The following SLC13A3 variants were observed in gnomAD, a reference collection of about 807,000 sequenced individuals.
SLC13A3 encodes Na(+)/dicarboxylate cotransporter 3.
A neutral mutation model predicts 59.0 loss-of-function variants in SLC13A3; 40 were observed. The ratio of observed to expected loss-of-function variants is 0.68; its 90% CI spans 0.53 to 0.88. SLC13A3 has a LOEUF of 0.88. Ranked by LOEUF, SLC13A3 falls within the 40% of genes least tolerant of loss-of-function variation. The pLI, the probability that SLC13A3 is intolerant of heterozygous loss-of-function variation, is 0.00. For synonymous variants in SLC13A3, 317 were observed against 330.3 expected, an observed-to-expected ratio of 0.96 and a Z score of 0.44; for missense variants, 699 against 783.2, an observed-to-expected ratio of 0.89 and a Z score of 1.28.
intron 9 of SLC13A3, among the ~76,000 whole-genome samples, chr20:46,582,286 AT>A (rs111617115): frequency 4.2e-4 from 63 of 151,382 alleles, no homozygotes; most frequent in African/African-American, 1.3e-3. Flanking sequence ...ACGCCCAGCT[AT>A]TTTTTTTATT....
At chr20:46,588,604 AAGG>A (rs2062219044) in intron 7 of SLC13A3, among the ~76,000 whole-genome samples, 1 of 152,122 alleles carries the variant, frequency 6.6e-6, no homozygotes, top group Non-Finnish European at 1.5e-5. Context: ...TCTACACCGA[AAGG>A]AGAAGACACA....
intron 1 of SLC13A3, among the ~76,000 whole-genome samples, chr20:46,630,209 T>G (rs577155587): frequency 1.7e-3 from 266 of 152,338 alleles, no homozygotes; most frequent in Non-Finnish European, 1.7e-3. Flanking sequence ...TTTGTTTGAC[T>G]GACAGAGAGA....
chr20:46,581,306 G>A (rs1310732136), intron 9 of SLC13A3, among the ~76,000 whole-genome samples: 1 of 152,198 alleles, frequency 6.6e-6, no homozygotes, highest in Non-Finnish European at 1.5e-5. Context: ...ACCTGACCAA[G>A]GGCAGCTGAT....
At position 46,583,793 on chromosome 20, in the gene SLC13A3, G is replaced by C. The variant is rs115919470; in HGVS notation, c.1122-124C>G. The C allele has an allele frequency of 1.8e-3, 2,640 of 1,491,550 alleles. 40 individuals are homozygous for C. In the African/African-American group the frequency reaches 0.032, roughly 18 times the overall value. 92.4% of individuals were successfully genotyped at this position (1,491,550 alleles called of 1,614,324 possible). A position where few individuals can be genotyped will look rare whatever the true frequency, so the allele number is the denominator to read the frequency against. ...TGCTGTGAAGGGGCCATTGTTGGAG[G>C]CTGGGCCACTGGATTCTGTCCTTCA... On this transcript the variant is annotated intron_variant, in intron 8 of 12. Coordinates refer to ENST00000279027, the MANE Select transcript of SLC13A3 (RefSeq NM_022829.6).
At chr20:46,634,593 G>A (rs1894559884) in intron 1 of SLC13A3, among the ~76,000 whole-genome samples, 2 of 151,902 alleles carry the variant, frequency 1.3e-5, no homozygotes, top group African/African-American at 4.8e-5. Context: ...GTTGTGACAA[G>A]TTCAAGTTCT....
At chr20:46,585,712 T>G (rs1184556254) in intron 8 of SLC13A3, 15 of 1,299,322 alleles carry the variant, frequency 1.2e-5, no homozygotes, top group Non-Finnish European at 1.4e-5. Context: ...ATTTTCTGTA[T>G]TGTTGAAATG....
chr20:46,600,245 A>G, intron 3 of SLC13A3, among the ~76,000 whole-genome samples: 2 of 116,362 alleles, frequency 1.7e-5, no homozygotes, highest in African/African-American at 3.2e-5. Flanking sequence ...AGGGAGAGAG[A>G]GATGGAGGAA....
At position 46,644,738 on chromosome 20, in the gene SLC13A3, C is replaced by A. The variant is rs533406445; in HGVS notation, c.111+6573G>T. On this transcript the variant is annotated intron_variant, in intron 1 of 12. Transcript: ENST00000279027. ...AAAGCCTGGAACCTTTTTGACCAAG[C>A]CAGGCTCTCTCCTGAACACCAGGGT... Among the ~76,000 whole-genome samples, 70 of 152,204 alleles carry A rather than the reference C, an allele frequency of 4.6e-4. 1 individual carries two copies. The South Asian group carries it at 6.0e-3, about 13-fold the overall frequency.
At chr20:46,569,969 G>C (rs1159990393) in intron 10 of SLC13A3, among the ~76,000 whole-genome samples, 1 of 152,148 alleles carries the variant, frequency 6.6e-6, no homozygotes, top group Admixed American at 6.5e-5. Flanking sequence ...TCTTTTAAAA[G>C]GCTTTGTAAA....
At chr20:46,597,644 C>T (rs1372333120) in intron 4 of SLC13A3, among the ~76,000 whole-genome samples, 2 of 152,144 alleles carry the variant, frequency 1.3e-5, no homozygotes, top group Non-Finnish European at 2.9e-5. Flanking sequence ...ACCATGTTGG[C>T]CTGGCTGGTC....
intron 1 of SLC13A3, among the ~76,000 whole-genome samples, chr20:46,641,205 A>G (rs1489314127): frequency 6.6e-6 from 1 of 152,152 alleles, no homozygotes; most frequent in Non-Finnish European, 1.5e-5. Context: ...GCAAACCAGG[A>G]AGCAGTCTGG....
chr20:46,666,402 T>C (rs974704529), intron 1 of SLC13A3, among the ~76,000 whole-genome samples: 15 of 152,228 alleles, frequency 9.9e-5, no homozygotes, highest in Non-Finnish European at 2.1e-4. Flanking sequence ...TTTATTTTTA[T>C]TTTATTTATT....
chr20:46,622,292 G>A (rs2062623336), intron 1 of SLC13A3, among the ~76,000 whole-genome samples: 1 of 152,226 alleles, frequency 6.6e-6, no homozygotes, highest in Non-Finnish European at 1.5e-5. Flanking sequence ...TAGGGATCAA[G>A]CAGGTGGATG....
At chr20:46,663,843 T>C (rs1036093517) in intron 1 of SLC13A3, among the ~76,000 whole-genome samples, 8 of 152,156 alleles carry the variant, frequency 5.3e-5, no homozygotes, top group Admixed American at 6.5e-5. Context: ...AACTCTAGTA[T>C]AGGTGTTTAT....
rs2146068204 is a variant in SLC13A3, at chr20:46,560,192, T to C, written c.1639A>G (p.Thr547Ala). 1.2e-6 allele frequency: 2 copies of C among 1,614,020 alleles called. No homozygotes were observed. The highest frequency in any genetic ancestry group is 2.2e-5 in the East Asian group (1 of 44,878). The change falls in exon 13 of 13, where the codon ACA (threonine) becomes GCA (alanine). Residue 547 changes from threonine (T) to alanine (A), a missense_variant. By Grantham distance (58) the Thr-to-Ala change is moderately conservative. Transcript: ENST00000279027. ...CCCATCAGGTTCATCAGGAGGCCTG[T>C]CCGCACCTGAAATAGAGCCCAGACA... is the stretch of plus-strand genomic sequence containing the variant. The part of the protein sequence containing the change: ...GHLLVKDMVR[T>A]GLLMNLMGVL...
intron 1 of SLC13A3, among the ~76,000 whole-genome samples, chr20:46,679,401 T>C (rs1462831423): frequency 6.6e-6 from 1 of 151,800 alleles, no homozygotes; most frequent in Admixed American, 6.6e-5. Context: ...TACTAACAAA[T>C]ACAAAAATTG....
chr20:46,592,473 G>C lies in SLC13A3; in HGVS notation c.851C>G (p.Pro284Arg). ...NFGSWFIFAF[P>R]LMLLFLLAGW... ...TGCCAACAGGAACAACAGCATAAGA[G>C]GGAAGGCGAAAATGAACCAGGAGCC... Residue 284 changes from proline (P) to arginine (R), a missense_variant, in exon 6 of 13, where the codon CCT becomes CGT. Coordinates refer to ENST00000279027, the MANE Select transcript of SLC13A3 (RefSeq NM_022829.6). The C allele has an allele frequency of 1.9e-6, 3 of 1,613,980 alleles. No individual in the cohort carries two copies. Among genetic ancestry groups the C allele is most frequent in the Non-Finnish European group, 1.7e-6 (2 of 1,179,910 alleles).
At chr20:46,600,879 A>G (rs1260447490) in intron 3 of SLC13A3, among the ~76,000 whole-genome samples, 2 of 152,182 alleles carry the variant, frequency 1.3e-5, no homozygotes, top group Admixed American at 6.5e-5. Context: ...TGTGACTGGA[A>G]AGTGGAGAGG....
chr20:46,631,247 C>T (rs994683924), intron 1 of SLC13A3, among the ~76,000 whole-genome samples: 3 of 152,114 alleles, frequency 2.0e-5, no homozygotes, highest in African/African-American at 2.4e-5. Flanking sequence ...CCTGCAGTGT[C>T]CAGAACAGCC....
Sources: allele counts gnomAD v4.1 joint callset (sites outside exome capture counted in the v4.1 genomes callset), GRCh38; gene constraint gnomAD v4.1.1; transcripts MANE v1.5; gene names NCBI Gene and HGNC (gene_info 2026-07-23, HGNC 2026-07-21).